Variants in NBAS observed in about 807,000 individuals in gnomAD.
The protein encoded by NBAS is NBAS subunit of NRZ tethering complex.
A neutral mutation model predicts 302.5 loss-of-function variants in NBAS; 219 were observed. The ratio of observed to expected loss-of-function variants is 0.72; its 90% confidence interval spans 0.65 to 0.81. The LOEUF (loss-of-function observed/expected upper bound fraction) is 0.81. NBAS is among the 30% of genes least tolerant of loss of function. The pLI is 0.00. For missense variants in NBAS, 2,932 were observed against 2,841.6 expected (o/e 1.03, Z -0.72); for synonymous variants, 1,118 against 1,021.6 (o/e 1.09, Z -1.80).
At chr2:14,937,594 C>T in the NBAS span, among the ~76,000 whole-genome samples, 1 of 152,106 alleles carries the variant, frequency 6.6e-6, no homozygotes, top group African/African-American at 2.4e-5. Flanking sequence ...GGGAAACATC[C>T]TATTTTTTCT....
the NBAS span, among the ~76,000 whole-genome samples, chr2:14,788,797 G>T: frequency 2.6e-5 from 4 of 152,226 alleles, no homozygotes; most frequent in African/African-American, 9.6e-5. Flanking sequence ...ACCCACTTGA[G>T]GAGGCAGTCT....
chr2:15,115,985 T>C, the NBAS span, among the ~76,000 whole-genome samples: 3 of 152,184 alleles, frequency 2.0e-5, no homozygotes, highest in Non-Finnish European at 2.9e-5. Flanking sequence ...GCAGGTTACA[T>C]AATGCCTTAG....
chr2:15,067,557 T>C, the NBAS span, among the ~76,000 whole-genome samples: 2 of 151,994 alleles, frequency 1.3e-5, no homozygotes, highest in Admixed American at 6.5e-5. Flanking sequence ...AAGGACATTA[T>C]GTTAAGTGAC....
chr2:15,243,735 T>G (rs916779670), intron 44 of NBAS, among the ~76,000 whole-genome samples: 1 of 152,174 alleles, frequency 6.6e-6, no homozygotes, highest in African/African-American at 2.4e-5. Flanking sequence ...TATGATGCTG[T>G]GGGTATTACA....
chr2:15,064,488 A>T, the NBAS span, among the ~76,000 whole-genome samples: 1 of 152,106 alleles, frequency 6.6e-6, no homozygotes, highest in African/African-American at 2.4e-5. Context: ...TGACCAAAGT[A>T]GTTTGACATG....
At chr2:15,541,170 C>T (rs1354613594) in intron 6 of NBAS, among the ~76,000 whole-genome samples, 1 of 152,160 alleles carries the variant, frequency 6.6e-6, no homozygotes, top group African/African-American at 2.4e-5. Flanking sequence ...TCTGTACATA[C>T]CTCTTTCATA....
chr2:14,969,385 A>T, the NBAS span, among the ~76,000 whole-genome samples: 36 of 151,226 alleles, frequency 2.4e-4, no homozygotes, highest in East Asian at 3.7e-3. Context: ...TATTATTATT[A>T]TTATTTTTGA....
At chr2:15,347,301 A>G (rs1159749983) in intron 35 of NBAS, among the ~76,000 whole-genome samples, 4 of 152,186 alleles carry the variant, frequency 2.6e-5, no homozygotes, top group African/African-American at 7.2e-5. Flanking sequence ...CAGAAATTCT[A>G]CATCTAGAGA....
the NBAS span, among the ~76,000 whole-genome samples, chr2:15,098,439 G>GTATATAATATGTTA: frequency 0.045 from 1,735 of 38,436 alleles, 32 homozygotes; most frequent in Non-Finnish European, 0.054. Context: ...ATTATATATT[G>GTATATAATATGTTA]TATATTGTAT....
chr2:15,154,825 T>C, the NBAS span, among the ~76,000 whole-genome samples: 5 of 152,190 alleles, frequency 3.3e-5, no homozygotes, highest in Admixed American at 1.3e-4. Flanking sequence ...TAGGTGAGTG[T>C]TCCAGCAATC....
chr2:15,009,816 C>T, the NBAS span, among the ~76,000 whole-genome samples: 283 of 151,636 alleles, frequency 1.9e-3, 6 homozygotes, highest in African/African-American at 6.7e-3. Flanking sequence ...CCCACAGGAC[C>T]ATGCAATGTG....
chr2:15,268,078 A>G (rs544652050), intron 44 of NBAS, among the ~76,000 whole-genome samples: 1 of 152,204 alleles, frequency 6.6e-6, no homozygotes, highest in Non-Finnish European at 1.5e-5. Flanking sequence ...TGTTAGCTAG[A>G]CATTTGGTTG....
rs775939901 is a variant in NBAS at position 15,352,012 on chromosome 2, T to A, written c.4159A>T (p.Thr1387Ser). 3 of 1,611,150 alleles carry A rather than the reference T, an allele frequency of 1.9e-6. No homozygotes were observed. The highest frequency in any genetic ancestry group is 2.5e-6 in the Non-Finnish European group (3 of 1,177,474). The stretch of plus-strand genomic sequence containing the variant: ...CTTACCTCTTGTACTGCTTTACTAG[T>A]TAATGGTGAAGCACTGATATTTTCC... ...GGENISASPLTSKAVQEDEVG... is the reference protein window; with the variant it reads ...GGENISASPLSSKAVQEDEVG... Residue 1387 changes from threonine (T) to serine (S), a missense_variant, in exon 35 of 52, where the codon ACT becomes TCT. By Grantham distance (58) the Thr-to-Ser change is moderately conservative (BLOSUM62 1). Coordinates refer to ENST00000281513, the MANE Select transcript of NBAS (RefSeq NM_015909.4).
chr2:15,324,567 G>A (rs1671976565), intron 38 of NBAS, among the ~76,000 whole-genome samples: 1 of 152,122 alleles, frequency 6.6e-6, no homozygotes. Flanking sequence ...TCCCTCAGCT[G>A]CCACTCTACA....
chr2:14,871,103 C>T, the NBAS span, among the ~76,000 whole-genome samples: 1 of 150,328 alleles, frequency 6.7e-6, no homozygotes. Flanking sequence ...AAGTGAAACA[C>T]ACAGAAGGAA....
the NBAS span, among the ~76,000 whole-genome samples, chr2:15,073,669 TAC>T: frequency 6.6e-6 from 1 of 152,162 alleles, no homozygotes; most frequent in Non-Finnish European, 1.5e-5. Flanking sequence ...TCTCATGTTA[TAC>T]ACAGAAATAT....
the NBAS span, among the ~76,000 whole-genome samples, chr2:14,838,283 T>C: frequency 2.0e-5 from 3 of 151,980 alleles, no homozygotes; most frequent in Non-Finnish European, 4.4e-5. Context: ...TGCTCTATTC[T>C]AAATATTGTC....
chr2:15,226,001 C>G (rs10929349), intron 47 of NBAS, among the ~76,000 whole-genome samples: 72,921 of 151,818 alleles, frequency 0.48, 18,931 homozygotes, highest in African/African-American at 0.67. Flanking sequence ...AATTTCAGAC[C>G]CCACCCAGAC....
chr2:14,809,842 C>T, the NBAS span, among the ~76,000 whole-genome samples: 1 of 152,208 alleles, frequency 6.6e-6, no homozygotes, highest in Non-Finnish European at 1.5e-5. Context: ...CCTGCAAAGC[C>T]ACAGGGGTGG....
Sources: gnomAD v4.1 joint callset for allele counts (sites outside exome capture counted in the v4.1 genomes callset) on GRCh38, gnomAD v4.1.1 for gene constraint, MANE v1.5 for transcripts, NCBI Gene and HGNC (gene_info 2026-07-23, HGNC 2026-07-21) for gene names.